Variants in PGM5 observed in about 807,000 individuals in gnomAD.
PGM5 encodes phosphoglucomutase 5.
A neutral mutation model predicts 59.2 loss-of-function variants in PGM5; 23 were observed. The observed-to-expected ratio is 0.39, with a 90% confidence interval of 0.28 to 0.55. PGM5 has a LOEUF of 0.55. Among genes scored for constraint, PGM5 ranks in the 20% least tolerant of loss-of-function variants. PGM5 has a pLI of 0.66. For missense variants in PGM5, 574 were observed against 748.3 expected, an observed-to-expected ratio of 0.77 and a Z score of 2.72; for synonymous variants, 214 against 286.0, an observed-to-expected ratio of 0.75 and a Z score of 2.54.
At chr9:68,470,924 T>G (rs1824009687) in intron 7 of PGM5, among the ~76,000 whole-genome samples, 1 of 152,224 alleles carries the variant, frequency 6.6e-6, no homozygotes, top group Non-Finnish European at 1.5e-5. Flanking sequence ...GTGAGCCTTC[T>G]TATAAAGCCA....
At chr9:68,401,045 A>AGAG (rs1456583805) in intron 6 of PGM5, among the ~76,000 whole-genome samples, 1 of 151,878 alleles carries the variant, frequency 6.6e-6, no homozygotes, top group East Asian at 1.9e-4. Flanking sequence ...TGTGTTTCTA[A>AGAG]GAGTTGGTGT....
At chr9:68,504,373 T>G (rs1344293757) in intron 10 of PGM5, among the ~76,000 whole-genome samples, 2 of 152,160 alleles carry the variant, frequency 1.3e-5, no homozygotes, top group African/African-American at 2.4e-5. Flanking sequence ...CCCCTCCACC[T>G]CATTTAGAGA....
At chr9:68,376,861 CTTTT>C (rs1407797341) in intron 1 of PGM5, among the ~76,000 whole-genome samples, 4 of 71,078 alleles carry the variant, frequency 5.6e-5, no homozygotes, top group African/African-American at 1.7e-4. Flanking sequence ...CTCTTTCTTT[CTTTT>C]TTCTTTCTCT....
At chr9:68,407,467 A>G (rs1175557962) in intron 6 of PGM5, among the ~76,000 whole-genome samples, 1 of 152,114 alleles carries the variant, frequency 6.6e-6, no homozygotes, top group Non-Finnish European at 1.5e-5. Context: ...TTTGATTAAT[A>G]TCCTCTAAAA....
intron 7 of PGM5, among the ~76,000 whole-genome samples, chr9:68,468,548 A>G (rs1355305499): frequency 6.6e-6 from 1 of 152,226 alleles, no homozygotes; most frequent in Non-Finnish European, 1.5e-5. Context: ...TTCAATAAAC[A>G]TTTACTCAGT....
chr9:68,454,055 A>G (rs762788402), intron 6 of PGM5, among the ~76,000 whole-genome samples: 1 of 152,188 alleles, frequency 6.6e-6, no homozygotes, highest in African/African-American at 2.4e-5. Flanking sequence ...TATAGGGACT[A>G]TCAAGAGATC....
At chr9:68,378,521 G>A (rs1436203507) in intron 2 of PGM5, among the ~76,000 whole-genome samples, 160 bp downstream of exon 2, 60 of 152,288 alleles carry the variant, frequency 3.9e-4, no homozygotes, top group Admixed American at 1.1e-3. Flanking sequence ...GAAGTGGCAT[G>A]ATGGGCTCAT....
intron 9 of PGM5, chr9:68,498,534 C>T (rs1964620): frequency 0.19 from 29,512 of 152,224 alleles, 2,851 homozygotes; most frequent in Admixed American, 0.22. Flanking sequence ...TGCCCTTTCC[C>T]CTTTAAATTT....
chr9:68,385,902 T>C (rs1822205817), intron 3 of PGM5, among the ~76,000 whole-genome samples: 1 of 151,910 alleles, frequency 6.6e-6, no homozygotes, highest in Non-Finnish European at 1.5e-5. Context: ...GAGATAATCG[T>C]TTGGGATAAT....
intron 6 of PGM5, among the ~76,000 whole-genome samples, chr9:68,413,589 C>T (rs556367905): frequency 5.3e-5 from 8 of 152,318 alleles, no homozygotes; most frequent in African/African-American, 1.4e-4. Flanking sequence ...TTGTATCTGA[C>T]ACTTAAAATA....
intron 6 of PGM5, among the ~76,000 whole-genome samples, chr9:68,444,951 G>A (rs543654582): frequency 3.3e-5 from 5 of 152,132 alleles, no homozygotes; most frequent in Admixed American, 1.3e-4. Flanking sequence ...CTGGCATTAC[G>A]ACCCCAGGGC....
chr9:68,423,079 AT>A (rs1823169148), intron 6 of PGM5, among the ~76,000 whole-genome samples: 1 of 152,186 alleles, frequency 6.6e-6, no homozygotes, highest in South Asian at 2.1e-4. Context: ...GCTGAGTAGT[AT>A]TCCATTGTAT....
At chr9:68,434,071 C>G (rs1054566786) in intron 6 of PGM5, among the ~76,000 whole-genome samples, 1 of 152,110 alleles carries the variant, frequency 6.6e-6, no homozygotes, top group African/African-American at 2.4e-5. Flanking sequence ...AATCCCAGCA[C>G]TTTGGGAGGC....
At chr9:68,399,506 G>A (rs1554680349) in intron 6 of PGM5, among the ~76,000 whole-genome samples, 1 of 151,922 alleles carries the variant, frequency 6.6e-6, no homozygotes, top group East Asian at 1.9e-4. Context: ...AGACTAGATA[G>A]AGAGTAACAT....
At chr9:68,425,110 A>G (rs959738839) in intron 6 of PGM5, among the ~76,000 whole-genome samples, 1 of 152,186 alleles carries the variant, frequency 6.6e-6, no homozygotes, top group African/African-American at 2.4e-5. Flanking sequence ...GCTTTTCTGT[A>G]TGCTCTTTCT....
rs1419429556 is a variant in PGM5 at position 68,408,521 on chromosome 9, A to G, written c.1043+16048A>G. On this transcript the variant is annotated intron_variant, in intron 6 of 10. Coordinates refer to ENST00000396396, the MANE Select transcript of PGM5 (RefSeq NM_021965.4). ...TGCGAAAATTTTCTCCCATTTTGTA[A>G]GTTGCCTGTTCACTCTGATGGTAGT... 3.9e-5 allele frequency among the ~76,000 whole-genome samples: 6 copies of G among 152,016 alleles called. No homozygotes were observed. In the East Asian group the frequency reaches 5.8e-4, roughly 15 times the overall value.
At chr9:68,444,048 CTCTT>C (rs527825252) in intron 6 of PGM5, among the ~76,000 whole-genome samples, 8 of 150,882 alleles carry the variant, frequency 5.3e-5, no homozygotes, top group East Asian at 3.9e-4. Flanking sequence ...AAGAGTCTCT[CTCTT>C]TCTTTCTTTC....
chr9:68,360,799 C>T (rs1306908608), intron 1 of PGM5, among the ~76,000 whole-genome samples: 2 of 152,106 alleles, frequency 1.3e-5, no homozygotes, highest in Non-Finnish European at 2.9e-5. Context: ...GTACAGATTT[C>T]TAAAAAATAA....
At chr9:68,376,807 T>TTCTTTCTTTCTTTCTTTCTTTC (rs1821909564) in intron 1 of PGM5, among the ~76,000 whole-genome samples, 1 of 116,874 alleles carries the variant, frequency 8.6e-6, no homozygotes, top group African/African-American at 3.6e-5. Context: ...CTTTCTTTCT[T>TTCTTTCTTTCTTTCTTTCTTTC]TCTTTCTTTC....
Sources: allele counts gnomAD v4.1 joint callset (sites outside exome capture counted in the v4.1 genomes callset), GRCh38; gene constraint gnomAD v4.1.1; transcripts MANE v1.5; gene names NCBI Gene and HGNC (gene_info 2026-07-23, HGNC 2026-07-21).